GNAL: variants seen among roughly 807,000 people sequenced by gnomAD.
GNAL encodes guanine nucleotide-binding protein G(olf) subunit alpha.
Under a neutral mutation model 55.1 loss-of-function variants are expected in GNAL, and 18 were observed. That is an observed-to-expected ratio of 0.33 (90% CI 0.23 to 0.48). GNAL has a LOEUF of 0.48. Among genes scored for constraint, GNAL ranks in the 20% least tolerant of loss-of-function variants. The pLI, the probability that GNAL is intolerant of heterozygous loss-of-function variation, is 0.99. For synonymous variants in GNAL, 253 were observed against 237.0 expected (o/e 1.07, Z -0.62); for missense variants, 412 against 614.1 (o/e 0.67, Z 3.48).
At chr18:11,878,762 C>T (rs1215976464) in intron 11 of GNAL, among the ~76,000 whole-genome samples, 2 of 152,152 alleles carry the variant, frequency 1.3e-5, no homozygotes, top group Admixed American at 6.5e-5. Flanking sequence ...GAGATACAGC[C>T]TTGCTATGTT....
chr18:11,712,662 T>C (rs2031865575), intron 1 of GNAL, among the ~76,000 whole-genome samples: 1 of 152,226 alleles, frequency 6.6e-6, no homozygotes, highest in African/African-American at 2.4e-5. Flanking sequence ...GTTGAAAATC[T>C]CTGATTTCTC....
At chr18:11,827,092 A>G (rs1235617038) in intron 5 of GNAL, among the ~76,000 whole-genome samples, 1 of 152,104 alleles carries the variant, frequency 6.6e-6, no homozygotes, top group African/African-American at 2.4e-5. Context: ...TCCTAGTAAG[A>G]TTGTACTTAA....
chr18:11,838,073 G>C (rs2035535242), intron 5 of GNAL, among the ~76,000 whole-genome samples: 1 of 152,148 alleles, frequency 6.6e-6, no homozygotes, highest in Admixed American at 6.5e-5. Flanking sequence ...CGAGGCTTCA[G>C]TGAGCCAAGA....
chr18:11,712,476 A>G (rs1377384692), intron 1 of GNAL, among the ~76,000 whole-genome samples: 1 of 152,230 alleles, frequency 6.6e-6, no homozygotes, highest in Non-Finnish European at 1.5e-5. Context: ...ATTTTGTTAC[A>G]TCAATTTTTC....
intron 5 of GNAL, among the ~76,000 whole-genome samples, chr18:11,842,267 C>T (rs1480013031): frequency 1.3e-5 from 2 of 152,082 alleles, no homozygotes; most frequent in East Asian, 3.8e-4. Flanking sequence ...AGGCATGAGC[C>T]ACCGCGCTCG....
At chr18:11,787,613 CTG>C (rs2034095731) in intron 4 of GNAL, among the ~76,000 whole-genome samples, 1 of 152,122 alleles carries the variant, frequency 6.6e-6, no homozygotes, top group Non-Finnish European at 1.5e-5. Flanking sequence ...TGGCCCACGC[CTG>C]TGTAATCCTA....
chr18:11,717,505 A>G (rs753914150), intron 1 of GNAL, among the ~76,000 whole-genome samples: 38 of 152,258 alleles, frequency 2.5e-4, no homozygotes, highest in Non-Finnish European at 4.4e-4. Context: ...TGTTCATTGC[A>G]GCACTGTTCA....
intron 4 of GNAL, among the ~76,000 whole-genome samples, chr18:11,822,286 C>A (rs2035118205): frequency 6.6e-6 from 1 of 152,126 alleles, no homozygotes; most frequent in Non-Finnish European, 1.5e-5. Flanking sequence ...TCCCCCCCAC[C>A]GCCAAATCTC....
intron 1 of GNAL, among the ~76,000 whole-genome samples, chr18:11,705,241 T>A (rs188661399): frequency 0.031 from 4,654 of 152,294 alleles, 220 homozygotes; most frequent in African/African-American, 0.1. Context: ...AACTCAGCAT[T>A]CCCTCCAGGT....
intron 5 of GNAL, among the ~76,000 whole-genome samples, chr18:11,832,809 G>A (rs1460611837): frequency 6.6e-5 from 10 of 151,830 alleles, no homozygotes; most frequent in Non-Finnish European, 1.2e-4. Context: ...TCAGTGAGCC[G>A]AGACCACGCC....
At chr18:11,741,558 G>A (rs980847832) in intron 1 of GNAL, among the ~76,000 whole-genome samples, 4 of 152,272 alleles carry the variant, frequency 2.6e-5, no homozygotes, top group African/African-American at 9.6e-5. Flanking sequence ...AATGAGATCA[G>A]GGACAATGTC....
At chr18:11,866,952 T>G (rs900923033) in intron 7 of GNAL, among the ~76,000 whole-genome samples, 3 of 152,044 alleles carry the variant, frequency 2.0e-5, no homozygotes, top group African/African-American at 7.2e-5. Flanking sequence ...GTAGCCCCAC[T>G]GTGGGGTGAC....
intron 4 of GNAL, among the ~76,000 whole-genome samples, chr18:11,813,003 C>A (rs945973033): frequency 6.6e-6 from 1 of 151,966 alleles, no homozygotes; most frequent in Non-Finnish European, 1.5e-5. Flanking sequence ...TACCTGTAAT[C>A]CCAGCACTTT....
chr18:11,692,387 C>T (rs1051567313), intron 1 of GNAL, among the ~76,000 whole-genome samples: 1 of 152,154 alleles, frequency 6.6e-6, no homozygotes, highest in African/African-American at 2.4e-5. Context: ...AAACAGTAAA[C>T]ACTCAGGTTA....
chr18:11,791,920 A>G (rs372384977), intron 4 of GNAL, among the ~76,000 whole-genome samples: 3 of 152,230 alleles, frequency 2.0e-5, no homozygotes, highest in Non-Finnish European at 2.9e-5. Context: ...CCCCTGGTAC[A>G]GGTGTCTCCT....
chr18:11,861,242 C>A, intron 5 of GNAL, among the ~76,000 whole-genome samples: 1 of 152,244 alleles, frequency 6.6e-6, no homozygotes, highest in Middle Eastern at 3.4e-3. Flanking sequence ...TGGGCCCCCC[C>A]GACCCCTCCC....
At chr18:11,691,030 G>A (rs923546976) in intron 1 of GNAL, among the ~76,000 whole-genome samples, 2,216 of 148,300 alleles carry the variant, frequency 0.015, 62 homozygotes, top group African/African-American at 0.054. Context: ...CTGAGGAATC[G>A]CCACACTGAC....
At chr18:11,717,828 C>T (rs1386140438) in intron 1 of GNAL, among the ~76,000 whole-genome samples, 1 of 152,138 alleles carries the variant, frequency 6.6e-6, no homozygotes, top group Non-Finnish European at 1.5e-5. Context: ...GGAAAAACAA[C>T]TAATGGGTAC....
chr18:11,836,958 G>T (rs1431612460), intron 5 of GNAL, among the ~76,000 whole-genome samples: 4 of 152,076 alleles, frequency 2.6e-5, no homozygotes, highest in Non-Finnish European at 5.9e-5. Flanking sequence ...TGAAAGCCAG[G>T]ATAGCTTTTT....
Sources: allele counts gnomAD v4.1 joint callset (sites outside exome capture counted in the v4.1 genomes callset), GRCh38; gene constraint gnomAD v4.1.1; transcripts MANE v1.5; gene names NCBI Gene and HGNC (gene_info 2026-07-23, HGNC 2026-07-21).